The following CFAP299 variants were observed in gnomAD, a reference collection of about 807,000 sequenced individuals.
CFAP299 encodes the protein cilia- and flagella-associated protein 299.
CFAP299 carries 21 observed loss-of-function variants against 27.0 expected under a neutral mutation model. That is an observed-to-expected ratio of 0.78 (90% CI 0.55 to 1.12). The LOEUF (loss-of-function observed/expected upper bound fraction) is 1.12. Among genes scored for constraint, CFAP299 ranks in the 50% most tolerant of loss-of-function variants. The pLI, the probability that CFAP299 is intolerant of heterozygous loss-of-function variation, is 0.00. For synonymous variants in CFAP299, 104 were observed against 98.1 expected (o/e 1.06, Z -0.36); for missense variants, 310 against 276.6 (o/e 1.12, Z -0.86).
intron 3 of CFAP299, among the ~76,000 whole-genome samples, chr4:80,867,231 A>T (rs1260747926): frequency 6.6e-6 from 1 of 152,048 alleles, no homozygotes; most frequent in Non-Finnish European, 1.5e-5. Flanking sequence ...ATCCCTAGTA[A>T]TGGTTTTTAT....
chr4:80,859,239 C>CT (rs1054029633), intron 3 of CFAP299, among the ~76,000 whole-genome samples: 20 of 151,852 alleles, frequency 1.3e-4, no homozygotes, highest in African/African-American at 4.6e-4. Flanking sequence ...CAACCCCTGC[C>CT]TTTTTTTGTT....
intron 3 of CFAP299, among the ~76,000 whole-genome samples, chr4:80,800,736 A>G (rs1429543290): frequency 2.4e-5 from 2 of 84,050 alleles, no homozygotes; most frequent in African/African-American, 1.0e-4. Flanking sequence ...ATGTGTATAT[A>G]TATATAATCA....
intron 3 of CFAP299, among the ~76,000 whole-genome samples, chr4:80,810,325 G>T (rs906892083): frequency 6.6e-6 from 1 of 150,992 alleles, no homozygotes; most frequent in Non-Finnish European, 1.5e-5. Context: ...TCTGCAATGG[G>T]TTGAATAATG....
intron 3 of CFAP299, among the ~76,000 whole-genome samples, chr4:80,747,601 A>G (rs1724696048): frequency 6.6e-6 from 1 of 152,052 alleles, no homozygotes; most frequent in Non-Finnish European, 1.5e-5. Flanking sequence ...TGCATTGTTT[A>G]CATTGTGATT....
At chr4:80,488,535 A>C (rs139149294) in intron 2 of CFAP299, among the ~76,000 whole-genome samples, 1 of 147,276 alleles carries the variant, frequency 6.8e-6, no homozygotes, top group Non-Finnish European at 1.5e-5. Context: ...GTGCAGTGGC[A>C]TGATCTTGGC....
chr4:80,589,703 T>A (rs913232775), intron 3 of CFAP299, among the ~76,000 whole-genome samples: 1 of 152,162 alleles, frequency 6.6e-6, no homozygotes, highest in Non-Finnish European at 1.5e-5. Context: ...CACTCAGCTG[T>A]ACTAATCTGA....
chr4:80,688,974 G>A lies in CFAP299; in HGVS notation c.333+105791G>A, dbSNP rs1451033223. Among the ~76,000 whole-genome samples, 9 of 152,100 alleles carry A rather than the reference G, an allele frequency of 5.9e-5. No individual in the cohort carries two copies. The South Asian group carries it at 6.2e-4, about 11-fold the overall frequency. On this transcript the variant is annotated intron_variant, in intron 3 of 5. Transcript: ENST00000358105. Reference sequence around the variant, plus strand: ...GAAGATGAAATGAATGAAATGAAGCGAGAAGGGAAGTTTAGAGAAAAAAGA... The same window carrying A: ...GAAGATGAAATGAATGAAATGAAGCAAGAAGGGAAGTTTAGAGAAAAAAGA...
At chr4:80,505,440 C>A (rs1237340029) in intron 2 of CFAP299, among the ~76,000 whole-genome samples, 1 of 86,656 alleles carries the variant, frequency 1.2e-5, no homozygotes, top group Non-Finnish European at 2.1e-5. Flanking sequence ...AAATTTTATC[C>A]CCTTCTCTCA....
chr4:80,396,011 A>G (rs1353370092), intron 2 of CFAP299, among the ~76,000 whole-genome samples: 1 of 152,152 alleles, frequency 6.6e-6, no homozygotes, highest in African/African-American at 2.4e-5. Flanking sequence ...TCTGCCTTTT[A>G]TAGGCTTAGA....
At chr4:80,682,527 C>A (rs764467308) in intron 3 of CFAP299, among the ~76,000 whole-genome samples, 6 of 152,006 alleles carry the variant, frequency 3.9e-5, no homozygotes, top group Non-Finnish European at 8.8e-5. Flanking sequence ...TAAAATTTTT[C>A]CAGCCCCTAC....
intron 2 of CFAP299, among the ~76,000 whole-genome samples, chr4:80,581,525 G>A (rs76044026): frequency 0.04 from 5,162 of 128,874 alleles, 303 homozygotes; most frequent in African/African-American, 0.15. Flanking sequence ...AAAAGCAAAA[G>A]CAGACAAGTT....
intron 3 of CFAP299, among the ~76,000 whole-genome samples, chr4:80,700,494 C>A (rs1721407411): frequency 6.6e-6 from 1 of 152,048 alleles, no homozygotes. Context: ...GGTAGTAGTA[C>A]TTCAATTTTA....
intron 2 of CFAP299, among the ~76,000 whole-genome samples, chr4:80,383,866 A>G (rs906664857): frequency 2.6e-5 from 4 of 151,352 alleles, no homozygotes; most frequent in Non-Finnish European, 5.9e-5. Flanking sequence ...TGTTGTTGTT[A>G]TCTTTCCCTC....
intron 2 of CFAP299, among the ~76,000 whole-genome samples, chr4:80,399,356 A>G (rs576457101): frequency 1.7e-4 from 26 of 152,296 alleles, no homozygotes; most frequent in African/African-American, 5.8e-4. Flanking sequence ...TACCCAAAGG[A>G]TTATAAATCA....
intron 2 of CFAP299, among the ~76,000 whole-genome samples, chr4:80,393,534 A>G (rs191880997): frequency 6.7e-4 from 102 of 152,252 alleles, no homozygotes; most frequent in Non-Finnish European, 1.1e-3. Flanking sequence ...TTCATTTTTT[A>G]TGCTATATTT....
At chr4:80,447,132 T>TTTTTTTTTTG (rs1728664257) in intron 2 of CFAP299, among the ~76,000 whole-genome samples, 3 of 91,512 alleles carry the variant, frequency 3.3e-5, no homozygotes, top group African/African-American at 1.5e-4. Context: ...TTTTTTTTGT[T>TTTTTTTTTTG]TTTTTTTTTT....
chr4:80,853,886 A>C (rs1352302531), intron 3 of CFAP299, among the ~76,000 whole-genome samples: 1 of 152,196 alleles, frequency 6.6e-6, no homozygotes, highest in Non-Finnish European at 1.5e-5. Context: ...GGACATGTTC[A>C]GTTTCAGTTG....
intron 3 of CFAP299, among the ~76,000 whole-genome samples, chr4:80,657,795 A>G (rs1740639081): frequency 6.6e-6 from 1 of 152,162 alleles, no homozygotes; most frequent in Non-Finnish European, 1.5e-5. Flanking sequence ...TGGGGATATC[A>G]TTGAATCTAT....
At position 80,449,883 on chromosome 4, in the gene CFAP299, C is replaced by T. The variant is rs566246446; in HGVS notation, c.242+86999C>T. Among the ~76,000 whole-genome samples the T allele has an allele frequency of 2.4e-4, 37 of 152,096 alleles. No homozygotes were observed. In the South Asian group the frequency reaches 7.7e-3, roughly 32 times the overall value. Reference sequence around the variant, plus strand: ...TCTCACCAAAATGTACAACTTCTTTCTCAAAGCTAGAAAGTTATCTAATTC... The same window carrying T: ...TCTCACCAAAATGTACAACTTCTTTTTCAAAGCTAGAAAGTTATCTAATTC... On this transcript the variant is annotated intron_variant, in intron 2 of 5. Transcript: ENST00000358105.
Sources: gnomAD v4.1 joint callset for allele counts (sites outside exome capture counted in the v4.1 genomes callset) on GRCh38, gnomAD v4.1.1 for gene constraint, MANE v1.5 for transcripts, NCBI Gene and HGNC (gene_info 2026-07-23, HGNC 2026-07-21) for gene names.